TTC8: variants seen among roughly 807,000 people sequenced by gnomAD.
The protein encoded by TTC8 is tetratricopeptide repeat protein 8.
Under a neutral mutation model 72.5 loss-of-function variants are expected in TTC8, and 47 were observed. The ratio of observed to expected loss-of-function variants is 0.65; its 90% CI spans 0.51 to 0.83. TTC8 has a LOEUF of 0.83. Ranked by LOEUF, TTC8 falls within the 40% of genes least tolerant of loss-of-function variation. The pLI, the probability that TTC8 is intolerant of heterozygous loss-of-function variation, is 0.00. For missense variants in TTC8, 611 were observed against 623.2 expected (o/e 0.98, Z 0.21); for synonymous variants, 199 against 221.4 (o/e 0.90, Z 0.90).
In TTC8 at chr14:88,828,356, G is replaced by A. The variant is rs185930286; in HGVS notation, c.114+3535G>A. Reference sequence around the variant, plus strand: ...AAGCTAACAGAAATGTGACCAGAGCGTGAGCAGATGGTCCTCTGCTCCGCA... The same window carrying A: ...AAGCTAACAGAAATGTGACCAGAGCATGAGCAGATGGTCCTCTGCTCCGCA... On this transcript the variant is annotated intron_variant, in intron 1 of 14. Transcript: ENST00000380656. Among the ~76,000 whole-genome samples the A allele has an allele frequency of 4.2e-3, 637 of 152,276 alleles. 4 individuals are homozygous for A. Among genetic ancestry groups the A allele is most frequent in the Middle Eastern group, 0.014 (4 of 294 alleles).
chr14:88,874,627 G>A (rs1466379863), intron 13 of TTC8, among the ~76,000 whole-genome samples: 2 of 152,056 alleles, frequency 1.3e-5, no homozygotes, highest in African/African-American at 4.8e-5. Flanking sequence ...GGTAATTAGA[G>A]CCTGCTTAGT....
chr14:88,879,665 T>TTATTAG, downstream of TTC8: 1 of 95,052 alleles, frequency 1.1e-5, no homozygotes, highest in Middle Eastern at 5.1e-3. Context: ...ATTATTATTA[T>TTATTAG]TATTATTATT....
chr14:88,876,286 A>G (rs1273006116), intron 14 of TTC8, among the ~76,000 whole-genome samples: 2 of 152,310 alleles, frequency 1.3e-5, no homozygotes, highest in East Asian at 3.9e-4. Context: ...CCATAACAGA[A>G]AGCAGTATAT....
At chr14:88,828,328 GA>G (rs2094711103) in intron 1 of TTC8, among the ~76,000 whole-genome samples, 1 of 152,184 alleles carries the variant, frequency 6.6e-6, no homozygotes. Context: ...CACAATCTAT[GA>G]AAAGCTAACA....
rs189646273 is a variant in TTC8 at position 88,845,907 on chromosome 14, T to C, written c.624+2057T>C. Among the ~76,000 whole-genome samples, 4 of 152,010 alleles carry C rather than the reference T, an allele frequency of 2.6e-5. No individual in the cohort carries two copies. In the East Asian group the frequency reaches 7.7e-4, roughly 29 times the overall value. On this transcript the variant is annotated intron_variant, in intron 7 of 14. Transcript: ENST00000380656. ...AAACTTTAAAATGTATGAAGTCTTA[T>C]GGGCTAATGAGTACTGTAACAACAA...
chr14:88,872,546 T>C, intron 13 of TTC8, 94 bp downstream of exon 13: 1 of 1,564,260 alleles, frequency 6.4e-7, no homozygotes, highest in Non-Finnish European at 8.7e-7. Context: ...TATTTTAAAA[T>C]GAGCTCTAGA....
chr14:88,862,728 G>A (rs531655379), intron 10 of TTC8, among the ~76,000 whole-genome samples: 1 of 148,232 alleles, frequency 6.7e-6, no homozygotes, highest in Non-Finnish European at 1.5e-5. Context: ...CTACAGGCTT[G>A]TGCCCCCATG....
At chr14:88,876,773 A>C (rs748363844) in intron 14 of TTC8, among the ~76,000 whole-genome samples, 19 of 152,168 alleles carry the variant, frequency 1.2e-4, no homozygotes, top group Non-Finnish European at 2.8e-4. Context: ...GCACCACTTA[A>C]AACCTCTCAA....
At chr14:88,851,890 A>G (rs2094835533) in intron 7 of TTC8, among the ~76,000 whole-genome samples, 1 of 152,178 alleles carries the variant, frequency 6.6e-6, no homozygotes, top group Non-Finnish European at 1.5e-5. Context: ...GGGGAACACA[A>G]GGAAAAATAA....
intron 1 of TTC8, among the ~76,000 whole-genome samples, chr14:88,829,106 G>A (rs1432739788): frequency 1.3e-5 from 2 of 152,150 alleles, no homozygotes; most frequent in African/African-American, 2.4e-5. Flanking sequence ...ACACAGAATG[G>A]TGAGGGACAG....
At chr14:88,832,341 G>T (rs1258289445) in intron 1 of TTC8, among the ~76,000 whole-genome samples, 2 of 152,148 alleles carry the variant, frequency 1.3e-5, no homozygotes, top group African/African-American at 4.8e-5. Context: ...GTCTCCTTTA[G>T]CTGTTTTTTC....
chr14:88,866,504 T>C (rs548608834), intron 10 of TTC8, among the ~76,000 whole-genome samples: 1 of 152,202 alleles, frequency 6.6e-6, no homozygotes, highest in African/African-American at 2.4e-5. Flanking sequence ...CTTAGGCTCT[T>C]GTTTCCTTTC....
intron 1 of TTC8, among the ~76,000 whole-genome samples, chr14:88,825,644 G>C (rs766053025): frequency 6.6e-6 from 1 of 152,222 alleles, no homozygotes; most frequent in Non-Finnish European, 1.5e-5. Context: ...AGTGCTTTTA[G>C]TAAGTGCGGA....
chr14:88,833,813 A>G (rs1362510230), intron 2 of TTC8, 91 bp downstream of exon 2: 1 of 1,172,174 alleles, frequency 8.5e-7, no homozygotes, highest in Non-Finnish European at 1.3e-6. Flanking sequence ...TTTGCTGCAT[A>G]TCTTCCTGTG....
At chr14:88,840,079 T>C (rs545292385) in intron 3 of TTC8, 1 of 165,792 alleles carries the variant, frequency 6.0e-6, no homozygotes, top group Non-Finnish European at 1.3e-5. Context: ...TGAGGTGATA[T>C]GCTGGGCTGT....
chr14:88,873,375 A>G lies in TTC8; in HGVS notation c.1347+923A>G, dbSNP rs74758864. Among the ~76,000 whole-genome samples the G allele has an allele frequency of 2.0e-3, 304 of 152,298 alleles. 2 individuals carry two copies. Among genetic ancestry groups the G allele is most frequent in the African/African-American group, 7.1e-3 (293 of 41,560 alleles). ...CCTTCTTAGAAAGGTCATCTCCCCC[A>G]TCAGTCTAAAAGAGCCCTTGGGTGT... On this transcript the variant is annotated intron_variant, in intron 13 of 14. Coordinates refer to ENST00000380656, the MANE Select transcript of TTC8 (RefSeq NM_144596.4).
intron 9 of TTC8, among the ~76,000 whole-genome samples, chr14:88,858,673 A>G (rs1435820210): frequency 6.6e-6 from 1 of 150,968 alleles, no homozygotes; most frequent in Non-Finnish European, 1.5e-5. Flanking sequence ...GGCTCACTGC[A>G]GCCTTGACTT....
At chr14:88,826,567 G>A (rs2094701931) in intron 1 of TTC8, among the ~76,000 whole-genome samples, 1 of 151,994 alleles carries the variant, frequency 6.6e-6, no homozygotes, top group East Asian at 2.0e-4. Flanking sequence ...AGCCGGGCGT[G>A]TTGGCGGGCG....
chr14:88,859,795 A>G (rs1173602506), intron 9 of TTC8, among the ~76,000 whole-genome samples: 2 of 143,170 alleles, frequency 1.4e-5, no homozygotes, highest in Non-Finnish European at 3.1e-5. Context: ...TATATATTTA[A>G]TTTATATAAA....
Sources: allele counts gnomAD v4.1 joint callset (sites outside exome capture counted in the v4.1 genomes callset), GRCh38; gene constraint gnomAD v4.1.1; transcripts MANE v1.5; gene names NCBI Gene and HGNC (gene_info 2026-07-23, HGNC 2026-07-21).